ZNF292: variants seen among roughly 807,000 people sequenced by gnomAD.
The protein encoded by ZNF292 is zinc finger protein 292.
ZNF292 carries 26 observed loss-of-function variants against 217.9 expected under a neutral mutation model. The ratio of observed to expected loss-of-function variants is 0.12; its 90% CI spans 0.09 to 0.17. ZNF292 has a LOEUF of 0.17. ZNF292 is among the 10% of genes least tolerant of loss of function. The probability of loss-of-function intolerance (pLI) is 1.00; values close to 1 mark genes in which losing one functional copy is unlikely to be tolerated. For missense variants in ZNF292, 2,904 were observed against 3,175.2 expected (o/e 0.91, Z 2.05); for synonymous variants, 1,257 against 1,124.1 (o/e 1.12, Z -2.37).
At chr6:87,168,443 G>A (rs914823901) in intron 1 of ZNF292, among the ~76,000 whole-genome samples, 1 of 152,182 alleles carries the variant, frequency 6.6e-6, no homozygotes, top group Non-Finnish European at 1.5e-5. Flanking sequence ...ATTGATGCCT[G>A]ATATATAGGA....
In ZNF292 at chr6:87,261,303, A is replaced by G. The variant is rs1349552661; in HGVS notation, c.7674A>G (p.Leu2558=). The change falls in exon 8 of 8, where the codon TTA becomes TTG. Residue 2558 remains leucine (L), a synonymous_variant. Coordinates refer to ENST00000369577, the MANE Select transcript of ZNF292 (RefSeq NM_015021.3). ...EKAEPASAAE[L]SSVRKEEETA... Reference sequence around the variant, plus strand: ...CTGAACCAGCATCAGCAGCTGAGTTAAGTAGCGTGCGTAAAGAAGAAGAAA... The same window carrying G: ...CTGAACCAGCATCAGCAGCTGAGTTGAGTAGCGTGCGTAAAGAAGAAGAAA... The G allele has an allele frequency of 6.2e-7, 1 of 1,613,490 alleles. No individual in the cohort carries two copies. The highest frequency in any genetic ancestry group is 2.2e-5 in the East Asian group (1 of 44,874).
At position 87,263,012 on chromosome 6, in the gene ZNF292, G is replaced by T. The variant is rs1433798555; in HGVS notation, c.*1211G>T. 2.0e-5 allele frequency: 3 copies of T among 151,920 alleles called. No individual in the cohort carries two copies. Among genetic ancestry groups the T allele is most frequent in the Admixed American group, 1.3e-4 (2 of 15,256 alleles). The allele number at this position is 151,920 out of a possible 1,614,324, so 9.4% of individuals were successfully genotyped here. On this transcript the variant is annotated 3_prime_UTR_variant, in exon 8 of 8. Coordinates refer to ENST00000369577, the MANE Select transcript of ZNF292 (RefSeq NM_015021.3). The stretch of plus-strand genomic sequence containing the variant: ...TTTTACTGTTTATAGATGTTAGATT[G>T]TACAGATTTGTCTGTATTTCTCACC...
At chr6:87,208,518 C>T (rs1166770840) in intron 1 of ZNF292, among the ~76,000 whole-genome samples, 3 of 151,940 alleles carry the variant, frequency 2.0e-5, no homozygotes, top group African/African-American at 7.3e-5. Context: ...AATATGTTTT[C>T]TCACATATCG....
chr6:87,212,970 C>T (rs1772568693), intron 1 of ZNF292, among the ~76,000 whole-genome samples: 1 of 152,130 alleles, frequency 6.6e-6, no homozygotes, highest in Admixed American at 6.5e-5. Context: ...AAGAAAACTT[C>T]CCTTCATCCT....
At chr6:87,204,503 A>T (rs993137437) in intron 1 of ZNF292, among the ~76,000 whole-genome samples, 20 of 139,578 alleles carry the variant, frequency 1.4e-4, no homozygotes, top group Admixed American at 2.1e-4. Context: ...TGTTTCAAAA[A>T]TTTTTTTTTA....
At chr6:87,174,299 G>GT (rs1771207645) in intron 1 of ZNF292, 1 of 152,290 alleles carries the variant, frequency 6.6e-6, no homozygotes, top group East Asian at 1.9e-4. Flanking sequence ...ATTTGTCCAA[G>GT]AACATTAATC....
At chr6:87,239,178 C>G (rs1774070875) in intron 5 of ZNF292, among the ~76,000 whole-genome samples, 1 of 152,290 alleles carries the variant, frequency 6.6e-6, no homozygotes, top group Non-Finnish European at 1.5e-5. Context: ...ATGGCCCGTT[C>G]TCAATGAGCT....
At position 87,166,099 on chromosome 6, in the gene ZNF292, T is replaced by C. The variant is rs543903694; in HGVS notation, c.168+10340T>C. ...AAGTGAATGCTAGAAACCCAACATA[T>C]TATGTTCACAGAACCCGATTTGAGA... On this transcript the variant is annotated intron_variant, in intron 1 of 7. Coordinates refer to ENST00000369577, the MANE Select transcript of ZNF292 (RefSeq NM_015021.3). Among the ~76,000 whole-genome samples the C allele has an allele frequency of 4.6e-5, 7 of 152,274 alleles. No individual in the cohort carries two copies. In the South Asian group the frequency reaches 1.5e-3, roughly 32 times the overall value.
Position 87,264,962 on chromosome 6 carries a change from G to A in ZNF292, c.*3161G>A, listed in dbSNP as rs1268119255. ...TAACGAAGTTGGGGAAGAGACTAAT[G>A]GATAAGAGAGATAATAAAAAGTAAT... On this transcript the variant is annotated 3_prime_UTR_variant, in exon 8 of 8. Transcript: ENST00000369577. Among the ~76,000 whole-genome samples, 1 of 152,116 alleles carries A rather than the reference G, an allele frequency of 6.6e-6. No homozygotes were observed.
chr6:87,240,918 C>A (rs1419731628), intron 5 of ZNF292, among the ~76,000 whole-genome samples: 1 of 152,208 alleles, frequency 6.6e-6, no homozygotes, highest in East Asian at 1.9e-4. Flanking sequence ...CTTAGGTTGA[C>A]ATCTTGACTT....
Position 87,259,124 on chromosome 6 carries a change from A to T in ZNF292, c.5495A>T (p.His1832Leu). The T allele has an allele frequency of 6.2e-7, 1 of 1,613,428 alleles. No homozygotes were observed. Among genetic ancestry groups the T allele is most frequent in the Non-Finnish European group, 8.5e-7 (1 of 1,179,658 alleles). Reference protein sequence around the residue: ...KSNIPQSEVSHKEDQIQEILE... With the variant: ...KSNIPQSEVSLKEDQIQEILE... Reference sequence around the variant, plus strand: ...AACATTCCTCAGTCTGAAGTATCACATAAGGAGGATCAAATACAGGAAATT... The same window carrying T: ...AACATTCCTCAGTCTGAAGTATCACTTAAGGAGGATCAAATACAGGAAATT... Residue 1832 changes from histidine (H) to leucine (L), a missense_variant, in exon 8 of 8, where the codon CAT becomes CTT. Physicochemically the swap from His to Leu is moderately conservative, Grantham distance 99. This residue lies in a region of ZNF292 where 622 missense variants were observed against 573.1 expected (regional missense o/e 1.09). Coordinates refer to ENST00000369577, the MANE Select transcript of ZNF292 (RefSeq NM_015021.3).
chr6:87,168,805 ATTT>A (rs1770997443), intron 1 of ZNF292, among the ~76,000 whole-genome samples: 1 of 152,060 alleles, frequency 6.6e-6, no homozygotes, highest in Non-Finnish European at 1.5e-5. Flanking sequence ...AGGTAATTAA[ATTT>A]AAAAATAGTA....
At chr6:87,201,611 T>C (rs1358386751) in intron 1 of ZNF292, among the ~76,000 whole-genome samples, 1 of 151,906 alleles carries the variant, frequency 6.6e-6, no homozygotes, top group African/African-American at 2.4e-5. Context: ...TCCATGTTGG[T>C]CAGGCTGGTC....
At chr6:87,182,742 A>C (rs117860362) in intron 1 of ZNF292, among the ~76,000 whole-genome samples, 408 of 152,342 alleles carry the variant, frequency 2.7e-3, no homozygotes, top group Non-Finnish European at 5.0e-3. Context: ...CAACGTGTTA[A>C]ATTTGCTATA....
At chr6:87,184,860 G>T (rs915827626) in intron 1 of ZNF292, among the ~76,000 whole-genome samples, 1 of 152,170 alleles carries the variant, frequency 6.6e-6, no homozygotes, top group African/African-American at 2.4e-5. Flanking sequence ...TGAGCCTGAA[G>T]TTCTCATATC....
chr6:87,255,560 A>G lies in ZNF292; in HGVS notation c.1931A>G (p.Asp644Gly). 6.2e-7 allele frequency: 1 copy of G among 1,611,096 alleles called. No individual in the cohort carries two copies. Among genetic ancestry groups the G allele is most frequent in the Non-Finnish European group, 8.5e-7 (1 of 1,178,296 alleles). The change falls in exon 8 of 8, where the codon GAT becomes GGT. Residue 644 changes from aspartate to glycine, a missense_variant. Asp to Gly is a moderately conservative substitution (Grantham distance 94, BLOSUM62 -1). Around this residue, in one of 15 missense-constraint regions of ZNF292, gnomAD observed 216 missense variants for 308.3 expected, o/e 0.70. Transcript: ENST00000369577. ...PIKKNSLYST[D>G]FIVFNDNDGS... ...AAAAAGAATAGTCTCTATTCAACAGATTTTATAGTGTTTAATGACAATGAT... is the reference window on the plus strand; with the variant it reads ...AAAAAGAATAGTCTCTATTCAACAGGTTTTATAGTGTTTAATGACAATGAT...
chr6:87,213,290 C>T (rs1772581493), intron 1 of ZNF292, among the ~76,000 whole-genome samples: 1 of 152,144 alleles, frequency 6.6e-6, no homozygotes, highest in Admixed American at 6.5e-5. Flanking sequence ...TTCCCGGTGC[C>T]ACAAAGAAAT....
At chr6:87,171,626 A>G (rs754368071) in intron 1 of ZNF292, among the ~76,000 whole-genome samples, 1 of 152,184 alleles carries the variant, frequency 6.6e-6, no homozygotes, top group Non-Finnish European at 1.5e-5. Flanking sequence ...CACTATACCA[A>G]AAATGTTGTA....
At position 87,258,069 on chromosome 6, in the gene ZNF292, C is replaced by T. The variant is rs1403373391; in HGVS notation, c.4440C>T (p.Thr1480=). ...GATCTGGTGTGACTAACTTTAATAC[C>T]AGTGTCAGTCAAGAAGGTAGTGAAA... is the stretch of plus-strand genomic sequence containing the variant. ...FPRSGVTNFN[T]SVSQEGSEII... is the part of the protein sequence containing the mutation. The change falls in exon 8 of 8, where the codon ACC becomes ACT. Residue 1480 remains threonine (T), a synonymous_variant. Transcript: ENST00000369577. 1 of 1,613,670 alleles carries T rather than the reference C, an allele frequency of 6.2e-7. No individual in the cohort carries two copies. The highest frequency in any genetic ancestry group is 8.5e-7 in the Non-Finnish European group (1 of 1,179,790).
Sources: allele counts gnomAD v4.1 joint callset (sites outside exome capture counted in the v4.1 genomes callset), GRCh38; gene constraint gnomAD v4.1.1; regional missense constraint gnomAD v4.1.1; transcripts MANE v1.5; gene names NCBI Gene and HGNC (gene_info 2026-07-23, HGNC 2026-07-21).